The following RNF111 variants were observed in gnomAD, a reference collection of about 807,000 sequenced individuals.
RNF111 encodes the protein ring finger protein 111.
A neutral mutation model predicts 95.1 loss-of-function variants in RNF111; 17 were observed. The ratio of observed to expected loss-of-function variants is 0.18; its 90% confidence interval spans 0.12 to 0.27. The LOEUF (loss-of-function observed/expected upper bound fraction) is 0.27. RNF111 is among the 10% of genes least tolerant of loss of function. The pLI, the probability that RNF111 is intolerant of heterozygous loss-of-function variation, is 1.00. For synonymous variants in RNF111, 440 were observed against 414.8 expected (o/e 1.06, Z -0.74); for missense variants, 1,189 against 1,210.4 (o/e 0.98, Z 0.26).
chr15:59,003,627 C>G (rs1211052687), intron 1 of RNF111, among the ~76,000 whole-genome samples: 1 of 152,190 alleles, frequency 6.6e-6, no homozygotes, highest in African/African-American at 2.4e-5. Context: ...GTCTTGAACT[C>G]CTGAGCTCAA....
At chr15:59,027,233 C>T (rs1455787262) in intron 1 of RNF111, among the ~76,000 whole-genome samples, 2 of 152,144 alleles carry the variant, frequency 1.3e-5, no homozygotes, top group Non-Finnish European at 2.9e-5. Context: ...CCAAGATCTC[C>T]TCCTCTGAAA....
At chr15:59,064,874 G>A (rs1409753858) in intron 5 of RNF111, among the ~76,000 whole-genome samples, 1 of 152,068 alleles carries the variant, frequency 6.6e-6, no homozygotes, top group Non-Finnish European at 1.5e-5. Context: ...AGAGCCAGGA[G>A]AATTTTAGGG....
intron 13 of RNF111, chr15:59,093,275 A>C (rs1428544103): frequency 5.6e-6 from 2 of 354,840 alleles, no homozygotes; most frequent in South Asian, 2.1e-5. Context: ...GAAAGTTATA[A>C]TGTGTTCTTC....
chr15:59,044,372 G>A (rs2041611109), intron 2 of RNF111, among the ~76,000 whole-genome samples: 1 of 152,170 alleles, frequency 6.6e-6, no homozygotes, highest in Admixed American at 6.5e-5. Flanking sequence ...CAGTCTTAAG[G>A]CACAGAGAGA....
At chr15:59,080,385 G>A (rs1253156827) in intron 7 of RNF111, among the ~76,000 whole-genome samples, 2 of 152,136 alleles carry the variant, frequency 1.3e-5, no homozygotes, top group East Asian at 3.8e-4. Context: ...GCCTCCTAAA[G>A]TGCTGGGATT....
At chr15:59,004,147 A>G (rs1196854287) in intron 1 of RNF111, 3 of 1,213,852 alleles carry the variant, frequency 2.5e-6, no homozygotes, top group African/African-American at 3.2e-5. Context: ...TCCCTCATAG[A>G]TGGCAGTTCT....
Position 59,075,547 on chromosome 15 carries a change from G to A in RNF111, c.1687-407G>A, listed in dbSNP as rs571288368. ...AGAACCTTAATATTTTCAGTAGTGT[G>A]ATAGTATGTTTTCTCAAGGAGTCCT... On this transcript the variant is annotated intron_variant, in intron 6 of 13. Coordinates refer to ENST00000348370, the MANE Select transcript of RNF111 (RefSeq NM_017610.8). Among the ~76,000 whole-genome samples, 3 of 152,310 alleles carry A rather than the reference G, an allele frequency of 2.0e-5. No individual in the cohort carries two copies. In the South Asian group the frequency reaches 6.2e-4, roughly 32 times the overall value.
At chr15:59,062,665 C>G (rs2042491832) in intron 5 of RNF111, among the ~76,000 whole-genome samples, 1 of 152,040 alleles carries the variant, frequency 6.6e-6, no homozygotes, top group South Asian at 2.1e-4. Context: ...TATAATAACT[C>G]TGATTTTTAC....
At chr15:59,003,753 C>G (rs1282737687) in intron 1 of RNF111, among the ~76,000 whole-genome samples, 2 of 152,142 alleles carry the variant, frequency 1.3e-5, no homozygotes, top group South Asian at 4.1e-4. Flanking sequence ...GTTTTTTGGT[C>G]TCATTTGCAT....
chr15:59,026,914 C>G (rs2040640264), intron 1 of RNF111, among the ~76,000 whole-genome samples: 2 of 152,076 alleles, frequency 1.3e-5, no homozygotes, highest in Admixed American at 6.6e-5. Context: ...ACCAAACCAC[C>G]CCCCCTTGCT....
intron 10 of RNF111, among the ~76,000 whole-genome samples, chr15:59,086,182 T>C (rs756872319): frequency 2.0e-5 from 3 of 152,096 alleles, no homozygotes; most frequent in Non-Finnish European, 4.4e-5. Context: ...TGCAGTAGTA[T>C]GATCTCAGCT....
chr15:59,027,513 G>T (rs1350531934), intron 1 of RNF111, among the ~76,000 whole-genome samples: 3 of 151,784 alleles, frequency 2.0e-5, no homozygotes, highest in Admixed American at 2.0e-4. Flanking sequence ...GAAAATAAAA[G>T]AAATTCTATA....
intron 9 of RNF111, 24 bp downstream of exon 9, chr15:59,084,278 A>G (rs1215379495): frequency 6.4e-7 from 1 of 1,557,928 alleles, no homozygotes; most frequent in Non-Finnish European, 8.7e-7. Flanking sequence ...TTAATTTCAA[A>G]ACAGTGCTTC....
At chr15:59,044,857 A>C (rs1437440797) in intron 2 of RNF111, among the ~76,000 whole-genome samples, 8 of 152,238 alleles carry the variant, frequency 5.3e-5, no homozygotes, top group African/African-American at 1.9e-4. Flanking sequence ...TATCTTAGAA[A>C]ACACTGGATT....
At chr15:59,005,291 T>C (rs1024966971) in intron 1 of RNF111, among the ~76,000 whole-genome samples, 1 of 152,168 alleles carries the variant, frequency 6.6e-6, no homozygotes, top group East Asian at 1.9e-4. Flanking sequence ...AGTGCTGGGA[T>C]TACAGGCACG....
chr15:59,052,285 T>C lies in RNF111; in HGVS notation c.881-20T>C. ...GCTGACAGGAAGATGCCTTTAAATG[T>C]TTTTTCTTTTTGTTTCCAGGAAGTA... On this transcript the variant is annotated intron_variant, in intron 2 of 13. Coordinates refer to ENST00000348370, the MANE Select transcript of RNF111 (RefSeq NM_017610.8). The C allele has an allele frequency of 6.6e-7, 1 of 1,518,064 alleles. No homozygotes were observed. The highest frequency in any genetic ancestry group is 8.7e-7 in the Non-Finnish European group (1 of 1,148,550). 94.0% of individuals were successfully genotyped at this position (1,518,064 alleles called of 1,614,324 possible).
intron 6 of RNF111, among the ~76,000 whole-genome samples, 168 bp from the exon 7 acceptor site, chr15:59,075,784 TAA>T (rs1459324355): frequency 6.6e-6 from 1 of 152,224 alleles, no homozygotes; most frequent in Non-Finnish European, 1.5e-5. Flanking sequence ...ATATTCAAGA[TAA>T]CCAAGTATTT....
chr15:59,089,895 G>A (rs1446265593), intron 11 of RNF111, 136 bp downstream of exon 11: 1 of 569,150 alleles, frequency 1.8e-6, no homozygotes, highest in Non-Finnish European at 3.1e-6. Context: ...TGTTGCTTCT[G>A]GGAGTTACAG....
intron 13 of RNF111, chr15:59,093,401 A>C (rs1055656609): frequency 2.5e-6 from 1 of 405,360 alleles, no homozygotes; most frequent in African/African-American, 2.5e-5. Context: ...GCCCAGGCTC[A>C]GGGCAGCAGT....
Sources: gnomAD v4.1 joint callset for allele counts (sites outside exome capture counted in the v4.1 genomes callset) on GRCh38, gnomAD v4.1.1 for gene constraint, MANE v1.5 for transcripts, NCBI Gene and HGNC (gene_info 2026-07-23, HGNC 2026-07-21) for gene names.